The following MAEL variants were observed in gnomAD, a reference collection of about 807,000 sequenced individuals.
MAEL encodes the protein protein maelstrom homolog.
MAEL carries 46 observed loss-of-function variants against 62.0 expected under a neutral mutation model. That is an observed-to-expected ratio of 0.74 (90% confidence interval 0.59 to 0.95). The LOEUF (loss-of-function observed/expected upper bound fraction) is 0.95, where lower values mean the gene tolerates loss of function less well. MAEL is among the 40% of genes least tolerant of loss of function. The pLI is 0.00. For synonymous variants in MAEL, 172 were observed against 175.5 expected (o/e 0.98, Z 0.16); for missense variants, 497 against 526.8 (o/e 0.94, Z 0.55).
chr1:166,986,333 G>A (rs1663912510), upstream of MAEL, among the ~76,000 whole-genome samples: 1 of 152,126 alleles, frequency 6.6e-6, no homozygotes, highest in African/African-American at 2.4e-5. Context: ...GTTTATTATA[G>A]TTCAGTCATA....
intron 1 of MAEL, 106 bp from the exon 2 acceptor site, chr1:166,989,631 C>T: frequency 2.7e-6 from 4 of 1,460,450 alleles, no homozygotes; most frequent in Non-Finnish European, 3.7e-6. Flanking sequence ...CTGGGCAAAC[C>T]GACACCAGAA....
chr1:167,013,980 T>C (rs1665277118), intron 8 of MAEL, among the ~76,000 whole-genome samples: 2 of 152,172 alleles, frequency 1.3e-5, no homozygotes, highest in African/African-American at 4.8e-5. Context: ...CTCTTTCTGC[T>C]CTGAGTAGAG....
chr1:166,989,677 GC>G, intron 1 of MAEL, 59 bp from the exon 2 acceptor site: 1 of 1,543,190 alleles, frequency 6.5e-7, no homozygotes, highest in Non-Finnish European at 8.8e-7. Context: ...CTGCCTGCGG[GC>G]CCTAGAGCAC....
chr1:167,019,332 C>G (rs538758589), intron 10 of MAEL, among the ~76,000 whole-genome samples: 3 of 152,142 alleles, frequency 2.0e-5, no homozygotes, highest in African/African-American at 7.2e-5. Context: ...GTGTTCACAT[C>G]ATCAGAATTA....
intron 8 of MAEL, among the ~76,000 whole-genome samples, chr1:167,013,743 A>G (rs936613608): frequency 6.6e-6 from 1 of 152,142 alleles, no homozygotes; most frequent in Non-Finnish European, 1.5e-5. Flanking sequence ...CGAGTGTTCC[A>G]TATTGTTCAG....
chr1:166,991,545 A>G, intron 3 of MAEL, 68 bp downstream of exon 3: 2 of 932,502 alleles, frequency 2.1e-6, no homozygotes, highest in African/African-American at 3.2e-5. Context: ...TTGTCAGTAA[A>G]AATATTTTCT....
intron 8 of MAEL, among the ~76,000 whole-genome samples, chr1:167,008,526 T>C (rs1000280076): frequency 7.9e-5 from 12 of 152,026 alleles, no homozygotes; most frequent in Admixed American, 5.9e-4. Flanking sequence ...ATGTGTTGTC[T>C]TTTTTAATTT....
chr1:167,010,017 C>T (rs1276932493), intron 8 of MAEL, among the ~76,000 whole-genome samples: 1 of 152,126 alleles, frequency 6.6e-6, no homozygotes, highest in Non-Finnish European at 1.5e-5. Context: ...TATGTCCCCA[C>T]CCAAATCTCA....
upstream of MAEL, among the ~76,000 whole-genome samples, chr1:166,988,166 T>C (rs146193409): frequency 2.0e-5 from 3 of 151,850 alleles, no homozygotes; most frequent in East Asian, 1.9e-4. Context: ...CTGGGCAACA[T>C]AGGGAGACCT....
At chr1:167,000,656 C>A (rs1019851581) in intron 5 of MAEL, among the ~76,000 whole-genome samples, 2 of 152,228 alleles carry the variant, frequency 1.3e-5, no homozygotes, top group Non-Finnish European at 2.9e-5. Context: ...CAGAGAAATT[C>A]TTCATGAGAG....
intron 8 of MAEL, 190 bp from the exon 9 acceptor site, chr1:167,016,032 G>A (rs887567699): frequency 3.7e-5 from 23 of 617,786 alleles, no homozygotes; most frequent in African/African-American, 2.2e-4. Context: ...TGTAGGTTGC[G>A]TAGTATCATG....
At chr1:166,999,357 TTAGTGGTCAGAA>T (rs2102085551) in intron 5 of MAEL, among the ~76,000 whole-genome samples, 1 of 152,314 alleles carries the variant, frequency 6.6e-6, no homozygotes, top group African/African-American at 2.4e-5. Flanking sequence ...GAAGAAAGTT[TTAGTGGTCAGAA>T]TAGATCAACA....
chr1:167,004,159 T>C, intron 5 of MAEL, 21 bp from the exon 6 acceptor site: 1 of 1,596,560 alleles, frequency 6.3e-7, no homozygotes. Context: ...AGTTTGAACT[T>C]CTCCTTTTTA....
At chr1:166,988,875 G>A (rs1251870345), upstream of MAEL, among the ~76,000 whole-genome samples, 1 of 151,918 alleles carries the variant, frequency 6.6e-6, no homozygotes, top group Non-Finnish European at 1.5e-5. Flanking sequence ...CCCCTCATTC[G>A]ATTGTAAACT....
intron 1 of MAEL, among the ~76,000 whole-genome samples, chr1:166,983,393 C>G (rs1469640375): frequency 2.0e-5 from 3 of 152,154 alleles, no homozygotes; most frequent in Non-Finnish European, 4.4e-5. Flanking sequence ...TCTCTTCACT[C>G]TCTCCTTAGA....
intron 5 of MAEL, among the ~76,000 whole-genome samples, chr1:167,001,574 G>C (rs573070989): frequency 2.5e-4 from 38 of 152,214 alleles, no homozygotes; most frequent in African/African-American, 8.2e-4. Flanking sequence ...CATAACTTTA[G>C]AGTACATAAC....
upstream of MAEL, among the ~76,000 whole-genome samples, chr1:166,986,981 T>TGTGTGTGTGTGTG (rs3223320): frequency 2.0e-5 from 3 of 149,362 alleles, no homozygotes; most frequent in Admixed American, 6.6e-5. Context: ...TGTGTGTGTG[T>TGTGTGTGTGTGTG]TTAAAATTAC....
At chr1:167,005,540 T>C (rs991402154) in intron 8 of MAEL, 143 bp downstream of exon 8, 30 of 703,798 alleles carry the variant, frequency 4.3e-5, no homozygotes, top group Middle Eastern at 4.2e-4. Flanking sequence ...TAAAATTTCA[T>C]TGATAGTAAG....
chr1:166,986,315 T>C (rs1005720556), upstream of MAEL, among the ~76,000 whole-genome samples: 11 of 152,212 alleles, frequency 7.2e-5, no homozygotes, highest in African/African-American at 2.7e-4. Context: ...ACACTTTAGA[T>C]ATATTGTGTT....
Sources: allele counts gnomAD v4.1 joint callset (sites outside exome capture counted in the v4.1 genomes callset), GRCh38; gene constraint gnomAD v4.1.1; transcripts MANE v1.5; gene names NCBI Gene and HGNC (gene_info 2026-07-23, HGNC 2026-07-21).